Variants in GXYLT2 observed in about 807,000 individuals in gnomAD.
GXYLT2 encodes glucoside xylosyltransferase 2.
A neutral mutation model predicts 45.8 loss-of-function variants in GXYLT2; 53 were observed. The observed-to-expected ratio is 1.16, with a 90% CI of 0.93 to 1.46. The LOEUF is 1.46. Ranked by LOEUF, GXYLT2 falls within the 40% of genes most tolerant of loss-of-function variation. The pLI, the probability that GXYLT2 is intolerant of heterozygous loss-of-function variation, is 0.00. For synonymous variants in GXYLT2, 219 were observed against 214.2 expected (o/e 1.02, Z -0.19); for missense variants, 551 against 544.4 (o/e 1.01, Z -0.12).
At chr3:72,957,928 G>A (rs150286742) in intron 5 of GXYLT2, among the ~76,000 whole-genome samples, 1 of 152,232 alleles carries the variant, frequency 6.6e-6, no homozygotes, top group East Asian at 1.9e-4. Flanking sequence ...AACACGTAAA[G>A]CTAATAAAAT....
chr3:72,914,481 G>A (rs2107089358), intron 2 of GXYLT2, among the ~76,000 whole-genome samples: 1 of 151,902 alleles, frequency 6.6e-6, no homozygotes, highest in African/African-American at 2.4e-5. Context: ...GGTAGGGGCG[G>A]CCAGTATATA....
chr3:72,917,896 A>G lies in GXYLT2; in HGVS notation c.469-4308A>G, dbSNP rs186320345. On this transcript the variant is annotated intron_variant, in intron 2 of 6. Transcript: ENST00000389617. ...AGAACAGTTTTGGTGTATATATATA[A>G]TACTTATTTCCATTCCTTTTCTTTT... 2.6e-5 allele frequency among the ~76,000 whole-genome samples: 4 copies of G among 152,334 alleles called. No homozygotes were observed. In the East Asian group the frequency reaches 7.7e-4, roughly 29 times the overall value.
rs1709110566 is a variant in GXYLT2 at position 72,888,453 on chromosome 3, C to T, written c.220C>T (p.Arg74Cys). ...SPGVRRRRPP[R>C]PRPRAGRRGA... ...GGGAGTTCGGAGGCGCCGGCCCCCG[C>T]GTCCGCGCCCCCGAGCGGGCCGCCG... Residue 74 changes from arginine (R) to cysteine (C), a missense_variant, in exon 1 of 7, where the codon CGT (arginine) becomes TGT (cysteine). Physicochemically the swap from Arg to Cys is radical, Grantham distance 180. Coordinates refer to ENST00000389617, the MANE Select transcript of GXYLT2 (RefSeq NM_001080393.2). 2 of 1,219,192 alleles carry T rather than the reference C, an allele frequency of 1.6e-6. No individual in the cohort carries two copies. Among genetic ancestry groups the T allele is most frequent in the Non-Finnish European group, 1.0e-6 (1 of 975,900 alleles). 75.5% of individuals were successfully genotyped at this position (1,219,192 alleles called of 1,614,324 possible). A position where few individuals can be genotyped will look rare whatever the true frequency, so the allele number is the denominator to read the frequency against.
chr3:72,888,391 G>C lies in GXYLT2; in HGVS notation c.158G>C (p.Arg53Pro). 1 of 992,694 alleles carries C rather than the reference G, an allele frequency of 1.0e-6. No individual in the cohort carries two copies. 61.5% of individuals were successfully genotyped at this position (992,694 alleles called of 1,614,324 possible). Reference protein sequence around the residue: ...PQRHPAPVPARWPGPGALPGA... With the variant: ...PQRHPAPVPAPWPGPGALPGA... ...CGCCACCCCGCGCCTGTCCCCGCGC[G>C]CTGGCCGGGGCCGGGCGCCCTCCCC... is the stretch of plus-strand genomic sequence containing the variant. Residue 53 changes from arginine (R) to proline (P), a missense_variant, in exon 1 of 7, where the codon CGC becomes CCC. Arg to Pro is a moderately radical substitution (Grantham distance 103, BLOSUM62 -2). Coordinates refer to ENST00000389617, the MANE Select transcript of GXYLT2 (RefSeq NM_001080393.2).
Position 72,922,219 on chromosome 3 carries a change from G to T in GXYLT2, c.484G>T (p.Asp162Tyr). 1.2e-6 allele frequency: 2 copies of T among 1,613,200 alleles called. No homozygotes were observed. The highest frequency in any genetic ancestry group is 2.2e-5 in the South Asian group (2 of 90,916). The change falls in exon 3 of 7, where the codon GAC becomes TAC. Residue 162 changes from aspartate to tyrosine, a missense_variant. Asp to Tyr is a radical substitution (Grantham distance 160). Coordinates refer to ENST00000389617, the MANE Select transcript of GXYLT2 (RefSeq NM_001080393.2). ...EFDKQLRQWP[D>Y]SYTKKFEHRI... Reference sequence around the variant, plus strand: ...TGTTTTTCAGTTACGCCAGTGGCCTGACTCATATACAAAGAAGTTTGAGCA... The same window carrying T: ...TGTTTTTCAGTTACGCCAGTGGCCTTACTCATATACAAAGAAGTTTGAGCA...
At position 72,955,250 on chromosome 3, in the gene GXYLT2, G is replaced by A; in HGVS notation, c.753G>A (p.Trp251Ter). The A allele has an allele frequency of 1.9e-6, 3 of 1,613,982 alleles. No individual in the cohort carries two copies. Among genetic ancestry groups the A allele is most frequent in the Non-Finnish European group, 2.5e-6 (3 of 1,179,880 alleles). The change falls in exon 4 of 7, where the codon TGG (tryptophan) becomes TGA (stop). Residue 251 changes from tryptophan to a stop codon, truncating the protein, a stop_gained. Transcript: ENST00000389617. LOFTEE classifies it high-confidence loss of function. ...APEHEIPKIG[W>*]YSRFARHPFY... ...AGCACGAAATCCCCAAGATTGGCTG[G>A]TACAGCCGCTTTGCTAGGCATCCTT...
intron 3 of GXYLT2, among the ~76,000 whole-genome samples, chr3:72,948,951 G>C (rs1710463058): frequency 6.6e-6 from 1 of 152,048 alleles, no homozygotes; most frequent in South Asian, 2.1e-4. Context: ...TAGGAGAACT[G>C]TCATGGTGCC....
intron 2 of GXYLT2, among the ~76,000 whole-genome samples, chr3:72,917,689 T>C (rs907400342): frequency 6.7e-6 from 1 of 148,300 alleles, no homozygotes; most frequent in African/African-American, 2.5e-5. Flanking sequence ...CCCAGAGAGA[T>C]CAAGGCTGCA....
intron 6 of GXYLT2, among the ~76,000 whole-genome samples, chr3:72,971,552 G>A (rs1228262550): frequency 3.3e-5 from 5 of 152,234 alleles, no homozygotes; most frequent in African/African-American, 4.8e-5. Context: ...GTCAAGTGTA[G>A]ATAATAAGAT....
chr3:72,926,766 G>C (rs532112571), intron 3 of GXYLT2, among the ~76,000 whole-genome samples: 1 of 152,342 alleles, frequency 6.6e-6, no homozygotes, highest in South Asian at 2.1e-4. Flanking sequence ...CTGGATTGCA[G>C]AACCTTTAGA....
At chr3:72,917,078 A>T (rs775014639) in intron 2 of GXYLT2, among the ~76,000 whole-genome samples, 1 of 152,212 alleles carries the variant, frequency 6.6e-6, no homozygotes, top group Non-Finnish European at 1.5e-5. Flanking sequence ...ATAGGATGCT[A>T]ACAATTAGAG....
rs150008254 is a variant in GXYLT2 at position 72,902,714 on chromosome 3, C to T, written c.276-5653C>T. On this transcript the variant is annotated intron_variant, in intron 1 of 6. Transcript: ENST00000389617. ...TAAAATAAATAAGAAAGGCCAGGTG[C>T]GGTGGCTCATGCCTGTACTTCCAGG... Among the ~76,000 whole-genome samples, 8 of 150,630 alleles carry T rather than the reference C, an allele frequency of 5.3e-5. No homozygotes were observed. In the East Asian group the frequency reaches 5.8e-4, roughly 11 times the overall value.
intron 1 of GXYLT2, among the ~76,000 whole-genome samples, chr3:72,905,839 T>G (rs1709501089): frequency 6.6e-6 from 1 of 152,168 alleles, no homozygotes; most frequent in Non-Finnish European, 1.5e-5. Flanking sequence ...AATCTGAAAA[T>G]AAAAATAAAT....
At chr3:72,964,424 A>T (rs1559751910) in intron 5 of GXYLT2, among the ~76,000 whole-genome samples, 1 of 151,820 alleles carries the variant, frequency 6.6e-6, no homozygotes, top group Non-Finnish European at 1.5e-5. Flanking sequence ...CCAGGTTCAA[A>T]CAATTCTCCT....
chr3:72,929,471 G>T, intron 3 of GXYLT2: 2 of 1,513,914 alleles, frequency 1.3e-6, no homozygotes, highest in Non-Finnish European at 1.8e-6. Flanking sequence ...TGAATGAGCA[G>T]GTGAAAGCCA....
At chr3:72,934,377 C>A (rs938193890) in intron 3 of GXYLT2, among the ~76,000 whole-genome samples, 1 of 152,086 alleles carries the variant, frequency 6.6e-6, no homozygotes, top group Non-Finnish European at 1.5e-5. Context: ...CCAGCCACCA[C>A]ACCTAGCTGA....
intron 3 of GXYLT2, 108 bp from the exon 4 acceptor site, chr3:72,954,990 A>G: frequency 8.9e-7 from 1 of 1,119,910 alleles, no homozygotes; most frequent in East Asian, 2.5e-5. Flanking sequence ...GAATCAACAA[A>G]AGTTGGTAGC....
At chr3:72,929,113 G>A in intron 3 of GXYLT2, 1 of 1,591,082 alleles carries the variant, frequency 6.3e-7, no homozygotes, top group Non-Finnish European at 8.5e-7. Flanking sequence ...TCAACCGCTA[G>A]ATCAACCTGG....
At chr3:72,968,478 A>G (rs1710915096) in intron 6 of GXYLT2, among the ~76,000 whole-genome samples, 1 of 152,248 alleles carries the variant, frequency 6.6e-6, no homozygotes, top group Non-Finnish European at 1.5e-5. Flanking sequence ...GTAACAATCA[A>G]GCCTTTATTT....
Sources: gnomAD v4.1 joint callset for allele counts (sites outside exome capture counted in the v4.1 genomes callset) on GRCh38, gnomAD v4.1.1 for gene constraint, MANE v1.5 for transcripts, NCBI Gene and HGNC (gene_info 2026-07-23, HGNC 2026-07-21) for gene names.